MKX: variants seen among roughly 807,000 people sequenced by gnomAD.
MKX encodes the protein mohawk homeobox.
In MKX, 13 loss-of-function variants were observed where a neutral mutation model predicts 36.0. The ratio of observed to expected loss-of-function variants is 0.36; its 90% confidence interval spans 0.24 to 0.57. MKX has a LOEUF of 0.57. Among genes scored for constraint, MKX ranks in the 20% least tolerant of loss-of-function variants. The probability of loss-of-function intolerance (pLI) is 0.79; values close to 1 mark genes in which losing one functional copy is unlikely to be tolerated. For synonymous variants in MKX, 176 were observed against 178.3 expected (o/e 0.99, Z 0.10); for missense variants, 458 against 456.4 (o/e 1.00, Z -0.03).
chr10:27,684,275 A>G (rs908495829), intron 5 of MKX, among the ~76,000 whole-genome samples: 1 of 152,148 alleles, frequency 6.6e-6, no homozygotes, highest in African/African-American at 2.4e-5. Flanking sequence ...AGATCATGCC[A>G]CTGCACTTGG....
rs1271187425 is a variant in MKX, at chr10:27,673,965, G to C, written c.*1264C>G. The C allele has an allele frequency of 6.6e-6, 1 of 151,762 alleles. No homozygotes were observed. The highest frequency in any genetic ancestry group is 1.5e-5 in the Non-Finnish European group (1 of 67,934). 9.4% of individuals were successfully genotyped at this position (151,762 alleles called of 1,614,324 possible). A position where few individuals can be genotyped will look rare whatever the true frequency, so the allele number is the denominator to read the frequency against. On this transcript the variant is annotated 3_prime_UTR_variant, in exon 7 of 7. Coordinates refer to ENST00000419761, the MANE Select transcript of MKX (RefSeq NM_173576.3). ...TACTTCTCTGTAGCACATACCCTCT[G>C]TTATATTTGGCATTTCCACTGCTTA... is the stretch of plus-strand genomic sequence containing the variant.
At chr10:27,707,892 T>C (rs999328906) in intron 5 of MKX, among the ~76,000 whole-genome samples, 4 of 152,232 alleles carry the variant, frequency 2.6e-5, no homozygotes, top group Admixed American at 6.5e-5. Context: ...AATGCTTCTG[T>C]TTGAAAGTAC....
At chr10:27,739,580 A>G (rs1834850159) in intron 3 of MKX, among the ~76,000 whole-genome samples, 1 of 152,178 alleles carries the variant, frequency 6.6e-6, no homozygotes, top group Non-Finnish European at 1.5e-5. Context: ...TACAGGTGGC[A>G]AATAATTTAA....
chr10:27,695,597 A>C (rs539730823), intron 5 of MKX, among the ~76,000 whole-genome samples: 1 of 152,238 alleles, frequency 6.6e-6, no homozygotes, highest in Non-Finnish European at 1.5e-5. Flanking sequence ...GAAGATGCAC[A>C]TAAAATGAAA....
At chr10:27,725,944 T>G (rs1834479688) in intron 5 of MKX, among the ~76,000 whole-genome samples, 1 of 152,180 alleles carries the variant, frequency 6.6e-6, no homozygotes, top group Non-Finnish European at 1.5e-5. Flanking sequence ...TGGCTTGATT[T>G]TTTACGACTT....
At chr10:27,675,942 C>T (rs903120743) in intron 5 of MKX, among the ~76,000 whole-genome samples, 9 of 152,178 alleles carry the variant, frequency 5.9e-5, no homozygotes, top group African/African-American at 2.2e-4. Context: ...TATGACCTCC[C>T]ACAATGTCAG....
At chr10:27,726,521 T>C (rs964703876) in intron 5 of MKX, among the ~76,000 whole-genome samples, 1 of 152,196 alleles carries the variant, frequency 6.6e-6, no homozygotes, top group African/African-American at 2.4e-5. Flanking sequence ...CATTTGTTTT[T>C]ATTTGTCTAT....
intron 5 of MKX, among the ~76,000 whole-genome samples, chr10:27,700,606 C>A (rs1031652067): frequency 6.6e-6 from 1 of 152,074 alleles, no homozygotes; most frequent in Non-Finnish European, 1.5e-5. Flanking sequence ...GCTGTTATAT[C>A]TACATAACAA....
At chr10:27,703,423 G>A (rs1425651848) in intron 5 of MKX, among the ~76,000 whole-genome samples, 1 of 151,968 alleles carries the variant, frequency 6.6e-6, no homozygotes, top group Non-Finnish European at 1.5e-5. Context: ...ATATGAGCAG[G>A]CATTGATTGA....
Position 27,745,711 on chromosome 10 carries a change from G to A in MKX, c.-87C>T, listed in dbSNP as rs1197726712. On this transcript the variant is annotated 5_prime_UTR_variant, in exon 1 of 7. Transcript: ENST00000419761. ...TCGGCGACGCGGGGGCTGTACCTGT[G>A]GCTGCGGGGCCGACGGCCGGCTGCA... 1 of 152,410 alleles carries A rather than the reference G, an allele frequency of 6.6e-6. No individual in the cohort carries two copies. The highest frequency in any genetic ancestry group is 1.5e-5 in the Non-Finnish European group (1 of 68,088). 9.4% of individuals were successfully genotyped at this position (152,410 alleles called of 1,614,324 possible). A position where few individuals can be genotyped will look rare whatever the true frequency, so the allele number is the denominator to read the frequency against.
chr10:27,707,547 G>T (rs573475168), intron 5 of MKX, among the ~76,000 whole-genome samples: 1 of 152,092 alleles, frequency 6.6e-6, no homozygotes, highest in Non-Finnish European at 1.5e-5. Context: ...ACATGAGGAC[G>T]CGGGAACCCA....
intron 5 of MKX, among the ~76,000 whole-genome samples, chr10:27,716,582 C>A (rs1836969135): frequency 6.6e-6 from 1 of 152,108 alleles, no homozygotes; most frequent in Admixed American, 6.6e-5. Flanking sequence ...TTTCTGTGCT[C>A]ATATGTAAAT....
At chr10:27,699,358 GA>G (rs1228421485) in intron 5 of MKX, among the ~76,000 whole-genome samples, 1 of 152,108 alleles carries the variant, frequency 6.6e-6, no homozygotes, top group African/African-American at 2.4e-5. Flanking sequence ...TTCAGTGACT[GA>G]AAAGAAACAT....
chr10:27,732,161 GAGT>G (rs1834645469), intron 5 of MKX, among the ~76,000 whole-genome samples: 2 of 152,118 alleles, frequency 1.3e-5, no homozygotes, highest in South Asian at 4.1e-4. Flanking sequence ...TCTGATTTGA[GAGT>G]AGGATAACGT....
chr10:27,741,652 G>C lies in MKX; in HGVS notation c.189-148C>G, dbSNP rs1314228301. On this transcript the variant is annotated intron_variant, in intron 2 of 6. Coordinates refer to ENST00000419761, the MANE Select transcript of MKX (RefSeq NM_173576.3). The surrounding 1 kb of genome is among the most constrained non-coding windows in gnomAD (Gnocchi z 5.1). ...TTGCGCGCGCCCAGAGTGTTTGGGA[G>C]AGGCAGGAAGTGGGAGCCACACAGT... 20 of 880,302 alleles carry C rather than the reference G, an allele frequency of 2.3e-5. No individual in the cohort carries two copies. The East Asian group carries it at 5.5e-4, about 24-fold the overall frequency. 54.5% of individuals were successfully genotyped at this position (880,302 alleles called of 1,614,324 possible). A position where few individuals can be genotyped will look rare whatever the true frequency, so the allele number is the denominator to read the frequency against.
intron 5 of MKX, among the ~76,000 whole-genome samples, chr10:27,679,898 G>A (rs1836222654): frequency 6.6e-6 from 1 of 151,906 alleles, no homozygotes; most frequent in Non-Finnish European, 1.5e-5. Flanking sequence ...TTGTGTCTTT[G>A]CAGCTCATGG....
intron 5 of MKX, among the ~76,000 whole-genome samples, chr10:27,677,885 T>C (rs963014207): frequency 6.6e-6 from 1 of 152,250 alleles, no homozygotes; most frequent in Admixed American, 6.5e-5. Context: ...GTTAGATCGT[T>C]ACCTTCTGCA....
intron 5 of MKX, among the ~76,000 whole-genome samples, chr10:27,711,668 C>T (rs1485304435): frequency 6.6e-6 from 1 of 151,302 alleles, no homozygotes; most frequent in Non-Finnish European, 1.5e-5. Context: ...AACTCCTGGG[C>T]TCAAGTGACC....
intron 5 of MKX, among the ~76,000 whole-genome samples, chr10:27,725,104 A>G (rs1395365272): frequency 6.6e-6 from 1 of 152,232 alleles, no homozygotes; most frequent in Non-Finnish European, 1.5e-5. Flanking sequence ...GATCAGGATC[A>G]CATCTCCAAG....
Sources: gnomAD v4.1 joint callset for allele counts (sites outside exome capture counted in the v4.1 genomes callset) on GRCh38, gnomAD v4.1.1 for gene constraint, Gnocchi (gnomAD v3.1) non-coding constraint, MANE v1.5 for transcripts, NCBI Gene and HGNC (gene_info 2026-07-23, HGNC 2026-07-21) for gene names.